Variants in PDE11A observed in about 807,000 individuals in gnomAD.
PDE11A encodes the protein dual 3',5'-cyclic-AMP and -GMP phosphodiesterase 11A.
A neutral mutation model predicts 100.5 loss-of-function variants in PDE11A; 100 were observed. That is an observed-to-expected ratio of 1.00 (90% CI 0.85 to 1.18). The LOEUF is 1.18. PDE11A is among the 50% of genes most tolerant of loss of function. The pLI, the probability that PDE11A is intolerant of heterozygous loss-of-function variation, is 0.00. For missense variants in PDE11A, 1,141 were observed against 1,152.6 expected (o/e 0.99, Z 0.15); for synonymous variants, 381 against 420.8 (o/e 0.91, Z 1.16).
At chr2:177,748,450 A>G (rs1363755305) in intron 10 of PDE11A, among the ~76,000 whole-genome samples, 2 of 152,212 alleles carry the variant, frequency 1.3e-5, no homozygotes, top group African/African-American at 4.8e-5. Context: ...GCAGGTGAAT[A>G]AAGCCCTTTT....
intron 9 of PDE11A, among the ~76,000 whole-genome samples, chr2:177,770,770 A>C (rs2082300652): frequency 2.0e-5 from 3 of 152,238 alleles, no homozygotes; most frequent in Admixed American, 6.5e-5. Flanking sequence ...AGACATATAC[A>C]CACTCACACA....
chr2:177,958,795 G>A (rs973167137), intron 2 of PDE11A, among the ~76,000 whole-genome samples: 3 of 152,044 alleles, frequency 2.0e-5, no homozygotes, highest in African/African-American at 4.8e-5. Context: ...AATAGTAACA[G>A]CAAACTGAAA....
At chr2:178,034,083 T>C (rs1293883444) in intron 1 of PDE11A, among the ~76,000 whole-genome samples, 1 of 152,072 alleles carries the variant, frequency 6.6e-6, no homozygotes, top group African/African-American at 2.4e-5. Context: ...AATGCCCCAA[T>C]TAAAAGACAC....
At chr2:177,664,438 C>T (rs778920024) in intron 18 of PDE11A, among the ~76,000 whole-genome samples, 1 of 152,056 alleles carries the variant, frequency 6.6e-6, no homozygotes, top group Non-Finnish European at 1.5e-5. Flanking sequence ...TTGGCAATTG[C>T]ATATGTTTTT....
At chr2:177,784,563 T>C (rs896140972) in intron 9 of PDE11A, among the ~76,000 whole-genome samples, 2 of 152,244 alleles carry the variant, frequency 1.3e-5, no homozygotes, top group Non-Finnish European at 2.9e-5. Flanking sequence ...TATCTGCCTA[T>C]GGGGTAGCCA....
At chr2:178,063,657 G>A in intron 1 of PDE11A, among the ~76,000 whole-genome samples, 1 of 152,140 alleles carries the variant, frequency 6.6e-6, no homozygotes, top group East Asian at 1.9e-4. Context: ...CCTGGCCCTG[G>A]GTGATTTAGG....
chr2:177,781,588 C>T (rs2082455033), intron 9 of PDE11A, among the ~76,000 whole-genome samples: 1 of 151,968 alleles, frequency 6.6e-6, no homozygotes, highest in African/African-American at 2.4e-5. Flanking sequence ...CTGCAGCCTC[C>T]ATCTGCTGGG....
At chr2:177,939,099 C>T (rs112894810) in intron 2 of PDE11A, among the ~76,000 whole-genome samples, 5,797 of 152,186 alleles carry the variant, frequency 0.038, 382 homozygotes, top group African/African-American at 0.13. Flanking sequence ...TTTTGTTATT[C>T]CAGCCCTAGC....
chr2:177,641,553 C>T (rs1049429077), intron 19 of PDE11A, among the ~76,000 whole-genome samples: 3 of 152,138 alleles, frequency 2.0e-5, no homozygotes, highest in African/African-American at 7.2e-5. Context: ...AAACAGACTC[C>T]TCCTAAACCT....
At chr2:177,705,164 G>T (rs1559151761) in intron 13 of PDE11A, among the ~76,000 whole-genome samples, 1 of 151,824 alleles carries the variant, frequency 6.6e-6, no homozygotes, top group Non-Finnish European at 1.5e-5. Context: ...TTTTAAAGAG[G>T]TCATGTCTCT....
chr2:178,071,545 T>A lies in PDE11A; in HGVS notation c.893A>T (p.Asn298Ile). Reference sequence around the variant, plus strand: ...TCCTACCTGGTAGGCATCAGGAATGTTGACCGTTTCTCCATGCTCCCCGAC... The same window carrying A: ...TCCTACCTGGTAGGCATCAGGAATGATGACCGTTTCTCCATGCTCCCCGAC... The part of the protein sequence containing the change: ...GYVGEHGETV[N>I]IPDAYQDRRF... The change falls in exon 1 of 20, where the codon AAC becomes ATC. Residue 298 changes from asparagine to isoleucine, a missense_variant. Coordinates refer to ENST00000286063, the MANE Select transcript of PDE11A (RefSeq NM_016953.4). 1 of 1,613,004 alleles carries A rather than the reference T, an allele frequency of 6.2e-7. No individual in the cohort carries two copies. The highest frequency in any genetic ancestry group is 8.5e-7 in the Non-Finnish European group (1 of 1,178,926).
intron 14 of PDE11A, 98 bp downstream of exon 14, chr2:177,701,023 C>T: frequency 1.3e-6 from 1 of 775,790 alleles, no homozygotes; most frequent in Non-Finnish European, 2.3e-6. Flanking sequence ...TTTCCCACTG[C>T]TTTGTGTCTA....
chr2:177,991,284 T>C (rs1004672541), intron 2 of PDE11A, among the ~76,000 whole-genome samples: 1 of 147,560 alleles, frequency 6.8e-6, no homozygotes, highest in Admixed American at 6.8e-5. Flanking sequence ...TGAGCCAAGA[T>C]TGTGCCACTG....
chr2:177,933,246 T>C (rs10164794), intron 2 of PDE11A, among the ~76,000 whole-genome samples: 13,168 of 152,184 alleles, frequency 0.087, 541 homozygotes, highest in South Asian at 0.1. Flanking sequence ...AAAATGGCCA[T>C]ATTGCTCAAA....
chr2:178,084,251 A>G (rs546393414), intron 2 of PDE11A, among the ~76,000 whole-genome samples: 1 of 152,374 alleles, frequency 6.6e-6, no homozygotes, highest in African/African-American at 2.4e-5. Flanking sequence ...TACAAGAGAA[A>G]TAACTTTCTT....
chr2:177,659,942 GA>G (rs1298618850), intron 19 of PDE11A, among the ~76,000 whole-genome samples: 2 of 152,140 alleles, frequency 1.3e-5, no homozygotes, highest in Non-Finnish European at 2.9e-5. Context: ...TTCTCTTGGG[GA>G]ATGTGCTTTG....
chr2:177,654,616 G>C (rs1188016441), intron 19 of PDE11A, among the ~76,000 whole-genome samples: 1 of 152,176 alleles, frequency 6.6e-6, no homozygotes, highest in African/African-American at 2.4e-5. Flanking sequence ...ATACACTCAT[G>C]TACCCTGGTA....
intron 2 of PDE11A, among the ~76,000 whole-genome samples, chr2:177,990,646 G>A (rs1203520744): frequency 5.9e-5 from 9 of 151,762 alleles, no homozygotes; most frequent in Admixed American, 3.9e-4. Flanking sequence ...GCTGAGGCAG[G>A]AGAATTGCTT....
intron 7 of PDE11A, among the ~76,000 whole-genome samples, chr2:177,819,927 T>G (rs2083110006): frequency 6.9e-6 from 1 of 145,404 alleles, no homozygotes; most frequent in African/African-American, 2.6e-5. Flanking sequence ...TTTTTTTCAC[T>G]CTCTGCCTCT....
Sources: allele counts gnomAD v4.1 joint callset (sites outside exome capture counted in the v4.1 genomes callset), GRCh38; gene constraint gnomAD v4.1.1; transcripts MANE v1.5; gene names NCBI Gene and HGNC (gene_info 2026-07-23, HGNC 2026-07-21).